Variants in PRDM11 observed in about 807,000 individuals in gnomAD.
PRDM11 encodes the protein PR domain-containing protein 11.
A neutral mutation model predicts 97.8 loss-of-function variants in PRDM11; 20 were observed. The ratio of observed to expected loss-of-function variants is 0.20; its 90% CI spans 0.14 to 0.30. The LOEUF is 0.30. PRDM11 is among the 10% of genes least tolerant of loss of function. The pLI is 1.00. For missense variants in PRDM11, 1,139 were observed against 1,555.2 expected (o/e 0.73, Z 4.50); for synonymous variants, 599 against 637.7 (o/e 0.94, Z 0.91).
Position 45,214,933 on chromosome 11 carries a change from C to T in PRDM11, c.555-4637C>T, listed in dbSNP as rs138854329. 7.3e-3 allele frequency among the ~76,000 whole-genome samples: 1,104 copies of T among 152,258 alleles called. 2 individuals carry two copies. Among genetic ancestry groups the T allele is most frequent in the Middle Eastern group, 0.027 (8 of 294 alleles). On this transcript the variant is annotated intron_variant, in intron 5 of 7. Transcript: ENST00000683152. ...TGTATCCAGCACCATGCCAGGCCCT[C>T]GGAGGAAAGGAAGGGCATGCATGCA...
rs139583027 is a variant in PRDM11, at chr11:45,194,878, G to A, written c.487-9833G>A. Reference sequence around the variant, plus strand: ...CTCCCAAAGTGCTGGGATTACAGGCGTGAGCCACCGCGCCCGGCCAGTTAT... The same window carrying A: ...CTCCCAAAGTGCTGGGATTACAGGCATGAGCCACCGCGCCCGGCCAGTTAT... On this transcript the variant is annotated intron_variant, in intron 4 of 7. Transcript: ENST00000683152. Among the ~76,000 whole-genome samples, 1,064 of 152,152 alleles carry A rather than the reference G, an allele frequency of 7.0e-3. 14 individuals are homozygous for A. Among genetic ancestry groups the A allele is most frequent in the African/African-American group, 0.024 (1,007 of 41,488 alleles).
chr11:45,125,195 T>C (rs1852537106), intron 1 of PRDM11, among the ~76,000 whole-genome samples: 1 of 152,066 alleles, frequency 6.6e-6, no homozygotes, highest in African/African-American at 2.4e-5. Flanking sequence ...ATCCCCTTTA[T>C]CATTTTTTAT....
intron 1 of PRDM11, among the ~76,000 whole-genome samples, chr11:45,179,068 G>A (rs16938184): frequency 1.3e-5 from 2 of 152,136 alleles, no homozygotes; most frequent in African/African-American, 2.4e-5. Context: ...GTGTTCTGCA[G>A]GCTAGGACTC....
intron 1 of PRDM11, among the ~76,000 whole-genome samples, chr11:45,125,393 G>C (rs1852542467): frequency 6.6e-6 from 1 of 152,120 alleles, no homozygotes; most frequent in Non-Finnish European, 1.5e-5. Context: ...TTTTGAATGT[G>C]TTTGCTCTTG....
At chr11:45,097,987 T>C (rs1851912591) in intron 1 of PRDM11, among the ~76,000 whole-genome samples, 1 of 152,220 alleles carries the variant, frequency 6.6e-6, no homozygotes, top group African/African-American at 2.4e-5. Context: ...GGATTGGAGA[T>C]GAAAAATCCA....
At chr11:45,111,695 C>T (rs1261670288) in intron 1 of PRDM11, among the ~76,000 whole-genome samples, 1 of 152,160 alleles carries the variant, frequency 6.6e-6, no homozygotes, top group African/African-American at 2.4e-5. Context: ...CTCGAACCCT[C>T]CGGGCTCTGT....
chr11:45,118,004 A>T (rs1369343625), intron 1 of PRDM11, among the ~76,000 whole-genome samples: 1 of 152,224 alleles, frequency 6.6e-6, no homozygotes, highest in African/African-American at 2.4e-5. Context: ...TTTCCACCCA[A>T]TAAACCATAA....
At chr11:45,181,271 G>A (rs923915149) in intron 1 of PRDM11, among the ~76,000 whole-genome samples, 1 of 152,202 alleles carries the variant, frequency 6.6e-6, no homozygotes, top group African/African-American at 2.4e-5. Context: ...CCTGCTCTGA[G>A]CTGGCAAAGG....
At chr11:45,152,135 T>A (rs555984984) in intron 1 of PRDM11, among the ~76,000 whole-genome samples, 44 of 152,300 alleles carry the variant, frequency 2.9e-4, no homozygotes, top group Admixed American at 6.5e-4. Context: ...TTGCATGATC[T>A]CAGCTCATTG....
At chr11:45,136,217 T>C (rs540826809) in intron 1 of PRDM11, among the ~76,000 whole-genome samples, 3 of 152,218 alleles carry the variant, frequency 2.0e-5, no homozygotes, top group South Asian at 2.1e-4. Context: ...AAAAGTTCCA[T>C]TGGATTTTGA....
intron 5 of PRDM11, chr11:45,213,250 G>C (rs1390539390): frequency 2.2e-6 from 1 of 456,420 alleles, no homozygotes; most frequent in Non-Finnish European, 4.4e-6. Flanking sequence ...GGCGGATGCT[G>C]AAGATGCAAG....
chr11:45,151,121 C>G (rs998769517), intron 1 of PRDM11, among the ~76,000 whole-genome samples: 1 of 152,124 alleles, frequency 6.6e-6, no homozygotes, highest in Non-Finnish European at 1.5e-5. Context: ...TAACACCTAC[C>G]TAACATCGGG....
chr11:45,106,312 T>C (rs1391935070), intron 1 of PRDM11, among the ~76,000 whole-genome samples: 1 of 152,094 alleles, frequency 6.6e-6, no homozygotes, highest in African/African-American at 2.4e-5. Context: ...CACACAGCCG[T>C]TCTCGTTGGA....
At chr11:45,192,478 C>G (rs1209818959) in intron 4 of PRDM11, among the ~76,000 whole-genome samples, 1 of 152,196 alleles carries the variant, frequency 6.6e-6, no homozygotes, top group Non-Finnish European at 1.5e-5. Context: ...AAGATTTCCC[C>G]AGGAAAATGT....
At chr11:45,178,797 A>C (rs1262098128) in intron 1 of PRDM11, among the ~76,000 whole-genome samples, 1 of 152,168 alleles carries the variant, frequency 6.6e-6, no homozygotes, top group African/African-American at 2.4e-5. Context: ...GCCTCCTAGT[A>C]CCTGGCTTGT....
rs146616375 is a variant in PRDM11, at chr11:45,217,272, C to G, written c.555-2298C>G. Among the ~76,000 whole-genome samples the G allele has an allele frequency of 5.5e-4, 83 of 152,276 alleles. 1 individual carries two copies. In the East Asian group the frequency reaches 0.011, roughly 21 times the overall value. ...GGGAATTATTAATTTGGAGTGACTT[C>G]TCTCACTCCAAATTAAAGGAAAAGG... On this transcript the variant is annotated intron_variant, in intron 5 of 7. Coordinates refer to ENST00000683152, the MANE Select transcript of PRDM11 (RefSeq NM_001384648.1).
intron 1 of PRDM11, among the ~76,000 whole-genome samples, chr11:45,116,595 T>G (rs1852308030): frequency 6.6e-6 from 1 of 152,212 alleles, no homozygotes; most frequent in Non-Finnish European, 1.5e-5. Flanking sequence ...GACTGAATAA[T>G]AACGAAAATA....
At chr11:45,207,832 T>C (rs898481548) in intron 5 of PRDM11, among the ~76,000 whole-genome samples, 3 of 152,144 alleles carry the variant, frequency 2.0e-5, no homozygotes, top group African/African-American at 7.2e-5. Flanking sequence ...GGCTGAAGGA[T>C]GTTGGTGCCG....
upstream of PRDM11, among the ~76,000 whole-genome samples, chr11:45,141,678 AC>A (rs957914619): frequency 5.3e-5 from 8 of 152,122 alleles, no homozygotes; most frequent in African/African-American, 1.9e-4. Context: ...AGCCTGCACC[AC>A]CAGCCCTAGG....
Sources: gnomAD v4.1 joint callset for allele counts (sites outside exome capture counted in the v4.1 genomes callset) on GRCh38, gnomAD v4.1.1 for gene constraint, MANE v1.5 for transcripts, NCBI Gene and HGNC (gene_info 2026-07-23, HGNC 2026-07-21) for gene names.